Variants in GLI3 observed in about 807,000 individuals in gnomAD.
GLI3 encodes the protein transcription activator GLI3.
Under a neutral mutation model 100.8 loss-of-function variants are expected in GLI3, and 20 were observed. The observed-to-expected ratio is 0.20, with a 90% CI of 0.14 to 0.29. The LOEUF (loss-of-function observed/expected upper bound fraction) is 0.29, where lower values mean the gene tolerates loss of function less well. Among genes scored for constraint, GLI3 ranks in the 10% least tolerant of loss-of-function variants. GLI3 has a pLI of 1.00. For synonymous variants in GLI3, 938 were observed against 860.5 expected (o/e 1.09, Z -1.58); for missense variants, 2,040 against 2,128.5 (o/e 0.96, Z 0.82).
In GLI3 at chr7:42,031,339, T is replaced by C. The variant is rs1009738866; in HGVS notation, c.1029-4927A>G. ...TAACTGTTAATCTATATTTAGTCAA[T>C]AAGATCAGTAGAAAGAAAGTGTTAG... On this transcript the variant is annotated intron_variant, in intron 7 of 14. Transcript: ENST00000395925. Among the ~76,000 whole-genome samples the C allele has an allele frequency of 3.3e-5, 5 of 152,360 alleles. No individual in the cohort carries two copies. The South Asian group carries it at 8.3e-4, about 25-fold the overall frequency.
At chr7:42,073,413 T>C (rs1197376277) in intron 4 of GLI3, among the ~76,000 whole-genome samples, 1 of 152,216 alleles carries the variant, frequency 6.6e-6, no homozygotes, top group African/African-American at 2.4e-5. Flanking sequence ...TAACACCTAA[T>C]AAGCCATGGT....
At position 41,964,952 on chromosome 7, in the gene GLI3, G is replaced by C; in HGVS notation, c.4121C>G (p.Pro1374Arg). ...GCCCCTGACAACTGCCAAGCTTGAC[G>C]GCTGGCTGCCCATGCCGTGAGCCCC... ...LPGAHGMGSQ[P>R]SSLAVVRGYQ... is the part of the protein sequence containing the mutation. Residue 1374 changes from proline (P) to arginine (R), a missense_variant, in exon 15 of 15, where the codon CCG (proline) becomes CGG (arginine). Physicochemically the swap from Pro to Arg is moderately radical, Grantham distance 103 (BLOSUM62 -2). Transcript: ENST00000395925. 1 of 1,613,712 alleles carries C rather than the reference G, an allele frequency of 6.2e-7. No homozygotes were observed. Among genetic ancestry groups the C allele is most frequent in the Non-Finnish European group, 8.5e-7 (1 of 1,180,034 alleles).
chr7:42,210,645 A>C (rs1269615083), intron 2 of GLI3, among the ~76,000 whole-genome samples: 1 of 152,146 alleles, frequency 6.6e-6, no homozygotes, highest in African/African-American at 2.4e-5. Flanking sequence ...AAAAGTAGTA[A>C]ACGAAAATAA....
intron 3 of GLI3, among the ~76,000 whole-genome samples, chr7:42,078,018 C>A (rs1395764580): frequency 6.6e-6 from 1 of 152,202 alleles, no homozygotes; most frequent in Non-Finnish European, 1.5e-5. Context: ...AGAATGGCTT[C>A]CAGTTATTTC....
intron 2 of GLI3, among the ~76,000 whole-genome samples, chr7:42,158,107 T>C (rs971767233): frequency 1.3e-5 from 2 of 152,218 alleles, no homozygotes; most frequent in African/African-American, 4.8e-5. Flanking sequence ...CCCTGAAAAC[T>C]TGTTAACTCA....
chr7:42,067,907 G>C (rs1369035468), intron 4 of GLI3, among the ~76,000 whole-genome samples: 1 of 152,200 alleles, frequency 6.6e-6, no homozygotes, highest in Non-Finnish European at 1.5e-5. Context: ...TTCTTTTAGT[G>C]AATCTGTAAC....
chr7:42,213,894 C>G (rs1230881382), intron 2 of GLI3, among the ~76,000 whole-genome samples: 1 of 152,258 alleles, frequency 6.6e-6, no homozygotes, highest in Admixed American at 6.5e-5. Context: ...ACACAGCACC[C>G]AAACGGCTTT....
chr7:42,185,612 G>A (rs1787702671), intron 2 of GLI3, among the ~76,000 whole-genome samples: 1 of 152,180 alleles, frequency 6.6e-6, no homozygotes, highest in South Asian at 2.1e-4. Flanking sequence ...TGACATTTTG[G>A]AGCTGCCCAG....
intron 4 of GLI3, among the ~76,000 whole-genome samples, chr7:42,073,369 AG>A (rs950086466): frequency 2.0e-5 from 3 of 152,196 alleles, no homozygotes; most frequent in African/African-American, 7.2e-5. Flanking sequence ...TATAAGGCTT[AG>A]TGGTTATTAT....
At chr7:42,216,758 A>G (rs1014810082) in intron 2 of GLI3, among the ~76,000 whole-genome samples, 1 of 152,238 alleles carries the variant, frequency 6.6e-6, no homozygotes, top group Non-Finnish European at 1.5e-5. Flanking sequence ...GAGACTGGGG[A>G]CATATTCACA....
rs746243124 is a variant in GLI3, at chr7:41,965,596, G to A, written c.3477C>T (p.Pro1159=). The change falls in exon 15 of 15, where the codon CCC becomes CCT. Residue 1159 remains proline, a synonymous_variant. Coordinates refer to ENST00000395925, the MANE Select transcript of GLI3 (RefSeq NM_000168.6). ...CGGAGCTGACTTCGTTCCACTGAAT[G>A]GGCAGGTCGGTTTTGCTGCCCTCGG... ...PCPEGSKTDL[P]IQWNEVSSGS... is the part of the protein sequence containing the mutation. The A allele has an allele frequency of 6.2e-7, 1 of 1,607,306 alleles. No homozygotes were observed.
chr7:42,211,637 T>C (rs1297377229), intron 2 of GLI3, among the ~76,000 whole-genome samples: 2 of 152,216 alleles, frequency 1.3e-5, no homozygotes, highest in Non-Finnish European at 2.9e-5. Context: ...TAGGTAAGGG[T>C]CTCAGATTAT....
rs776871680 is a variant in GLI3, at chr7:41,965,456, C to T, written c.3617G>A (p.Arg1206Lys). The T allele has an allele frequency of 3.7e-6, 6 of 1,608,728 alleles. No individual in the cohort carries two copies. Among genetic ancestry groups the T allele is most frequent in the Non-Finnish European group, 4.2e-6 (5 of 1,177,366 alleles). ...CTGATAGCCCCCAGCAGGCCCGCTC[C>T]TCAAGGGGTTCTGCGGGTGGACGAC... is the stretch of plus-strand genomic sequence containing the variant. ...GMVVHPQNPL[R>K]SGPAGGYQTL... The change falls in exon 15 of 15, where the codon AGG becomes AAG. Residue 1206 changes from arginine (R) to lysine (K), a missense_variant. Arg to Lys is a conservative substitution (Grantham distance 26). Around this residue, in one of 5 missense-constraint regions of GLI3, gnomAD observed 1,041 missense variants for 924.0 expected, o/e 1.13. Transcript: ENST00000395925.
At chr7:42,035,695 G>A (rs551742352) in intron 7 of GLI3, among the ~76,000 whole-genome samples, 1 of 152,174 alleles carries the variant, frequency 6.6e-6, no homozygotes, top group African/African-American at 2.4e-5. Context: ...CAGAAGAAGG[G>A]GGTCATTTTA....
intron 4 of GLI3, among the ~76,000 whole-genome samples, chr7:42,056,859 G>T (rs570829886): frequency 1.3e-5 from 2 of 151,216 alleles, no homozygotes; most frequent in Non-Finnish European, 3.0e-5. Flanking sequence ...GTGTATGCCT[G>T]TAATCCCAGC....
intron 3 of GLI3, among the ~76,000 whole-genome samples, chr7:42,088,866 G>A (rs1785158904): frequency 6.6e-6 from 1 of 152,160 alleles, no homozygotes; most frequent in Non-Finnish European, 1.5e-5. Flanking sequence ...GCTTCCCTGA[G>A]GCCTCAAGCT....
chr7:42,086,265 G>C (rs1435727875), intron 3 of GLI3, among the ~76,000 whole-genome samples: 1 of 152,088 alleles, frequency 6.6e-6, no homozygotes, highest in East Asian at 1.9e-4. Context: ...CTTATGGATG[G>C]GGAAACTGAC....
intron 3 of GLI3, among the ~76,000 whole-genome samples, chr7:42,107,307 G>C (rs1785599334): frequency 6.6e-6 from 1 of 152,168 alleles, no homozygotes; most frequent in Non-Finnish European, 1.5e-5. Context: ...TCCAGCCTGG[G>C]CGACAGTGAC....
chr7:42,136,620 A>G (rs931682522), intron 3 of GLI3, among the ~76,000 whole-genome samples: 2 of 152,190 alleles, frequency 1.3e-5, no homozygotes, highest in African/African-American at 2.4e-5. Flanking sequence ...TCTTTGCAAA[A>G]TATCAGTTAA....
Sources: allele counts gnomAD v4.1 joint callset (sites outside exome capture counted in the v4.1 genomes callset), GRCh38; gene constraint gnomAD v4.1.1; regional missense constraint gnomAD v4.1.1; transcripts MANE v1.5; gene names NCBI Gene and HGNC (gene_info 2026-07-23, HGNC 2026-07-21).